The following OPRK1 variants were observed in gnomAD, a reference collection of about 807,000 sequenced individuals.
The protein encoded by OPRK1 is opioid receptor kappa 1, also known as kappa-type opioid receptor.
A neutral mutation model predicts 24.5 loss-of-function variants in OPRK1; 15 were observed. The ratio of observed to expected loss-of-function variants is 0.61; its 90% CI spans 0.41 to 0.94. The LOEUF (loss-of-function observed/expected upper bound fraction) is 0.94. Among genes scored for constraint, OPRK1 ranks in the 40% least tolerant of loss-of-function variants. The pLI is 0.00. For synonymous variants in OPRK1, 205 were observed against 198.0 expected, an observed-to-expected ratio of 1.04 and a Z score of -0.30; for missense variants, 479 against 507.3, an observed-to-expected ratio of 0.94 and a Z score of 0.54.
intron 2 of OPRK1, chr8:53,242,646 A>G (rs1337422201): frequency 8.3e-6 from 2 of 240,632 alleles, no homozygotes; most frequent in Admixed American, 1.0e-4. Context: ...AGCTGGGACT[A>G]CAGGCGCCCG....
intron 2 of OPRK1, 106 bp downstream of exon 2, chr8:53,250,675 G>A (rs1807355215): frequency 5.9e-6 from 7 of 1,187,330 alleles, no homozygotes; most frequent in Admixed American, 2.5e-5. Context: ...ACGGAACAGA[G>A]TCCCCACCAC....
chr8:53,250,906 CGA>C lies in OPRK1; in HGVS notation c.130_131del (p.Ser44GlyfsTer56). The C allele has an allele frequency of 6.2e-7, 1 of 1,611,174 alleles. No individual in the cohort carries two copies. Among genetic ancestry groups the C allele is most frequent in the East Asian group, 2.2e-5 (1 of 44,758 alleles). On this transcript the variant is annotated frameshift_variant, in exon 2 of 4. Transcript: ENST00000265572. LOFTEE classifies it high-confidence loss of function. The part of the protein sequence containing the change: ...AEPDSNGSAG[S>X]EDAQLEPAHI... ...GCGCGGGCTCCAGCTGCGCGTCCTC[CGA>C]GCCGGCGCTGCCGTTGCTGTCGGGC...
intron 2 of OPRK1, among the ~76,000 whole-genome samples, chr8:53,236,854 C>A (rs910124073): frequency 6.6e-6 from 1 of 152,186 alleles, no homozygotes; most frequent in Non-Finnish European, 1.5e-5. Context: ...GAATCTGACT[C>A]CTGCTCTTGT....
chr8:53,230,387 T>C (rs1476240937), intron 3 of OPRK1, among the ~76,000 whole-genome samples: 1 of 152,168 alleles, frequency 6.6e-6, no homozygotes. Flanking sequence ...ATGACTCAAG[T>C]ATTGTCATTT....
At position 53,250,966 on chromosome 8, in the gene OPRK1, G is replaced by T. The variant is rs754715860; in HGVS notation, c.72C>A (p.Pro24=). The change falls in exon 2 of 4, where the codon CCC becomes CCA. Residue 24 remains proline (P), a synonymous_variant. Transcript: ENST00000265572. ...PTCAPSACLP[P]NSSAWFPGWA... is the part of the protein sequence containing the mutation. ...AGCCGGGAAACCAGGCGCTGCTGTT[G>T]GGGGGCAGGCAGGCGCTCGGGGCGC... 1.3e-5 allele frequency: 21 copies of T among 1,606,844 alleles called. 1 individual carries two copies. Among genetic ancestry groups the T allele is most frequent in the Non-Finnish European group, 1.8e-5 (21 of 1,176,728 alleles).
chr8:53,244,055 C>T (rs1807175954), intron 2 of OPRK1, among the ~76,000 whole-genome samples: 2 of 152,160 alleles, frequency 1.3e-5, no homozygotes, highest in African/African-American at 4.8e-5. Context: ...GAAGAAGAAA[C>T]TTGGGAGAGA....
intron 2 of OPRK1, among the ~76,000 whole-genome samples, chr8:53,247,614 G>C (rs73589391): frequency 0.094 from 14,310 of 152,034 alleles, 747 homozygotes; most frequent in South Asian, 0.18. Context: ...AAAGGGGCGT[G>C]AGTGTCATGG....
intron 2 of OPRK1, 114 bp downstream of exon 2, chr8:53,250,667 G>C (rs914102789): frequency 3.1e-5 from 35 of 1,114,500 alleles, no homozygotes; most frequent in Non-Finnish European, 4.1e-5. Flanking sequence ...GATCCTTCAC[G>C]GAACAGAGTC....
At chr8:53,244,469 G>A (rs957989405) in intron 2 of OPRK1, among the ~76,000 whole-genome samples, 3 of 152,178 alleles carry the variant, frequency 2.0e-5, no homozygotes, top group Admixed American at 6.5e-5. Flanking sequence ...CCCCCTTTGG[G>A]GAGGTTTCAA....
chr8:53,231,762 T>A (rs1280184483), intron 3 of OPRK1, among the ~76,000 whole-genome samples: 1 of 152,168 alleles, frequency 6.6e-6, no homozygotes, highest in Non-Finnish European at 1.5e-5. Context: ...ACATACCACA[T>A]GAATAACAAA....
intron 2 of OPRK1, among the ~76,000 whole-genome samples, chr8:53,250,183 A>C (rs923310090): frequency 6.6e-6 from 1 of 152,064 alleles, no homozygotes; most frequent in African/African-American, 2.4e-5. Flanking sequence ...TTAGAGGATA[A>C]ATATTATTTA....
rs202039295 is a variant in OPRK1, at chr8:53,235,117, A to G, written c.258-6T>C. ...CTGTCTTCATCTTTGTGTATCTAAA[A>G]GAAAAGAAACAATAGCATTTCCCTC... On this transcript the variant is annotated splice_polypyrimidine_tract_variant and splice_region_variant and intron_variant, in intron 2 of 3. Coordinates refer to ENST00000265572, the MANE Select transcript of OPRK1 (RefSeq NM_000912.5). The G allele has an allele frequency of 3.1e-6, 5 of 1,607,816 alleles. No individual in the cohort carries two copies. The highest frequency in any genetic ancestry group is 1.3e-5 in the African/African-American group (1 of 74,784).
intron 2 of OPRK1, among the ~76,000 whole-genome samples, chr8:53,245,055 A>G (rs1807198721): frequency 6.6e-6 from 1 of 152,254 alleles, no homozygotes; most frequent in Admixed American, 6.5e-5. Context: ...TTATGTAAAT[A>G]GTTGTTATAC....
chr8:53,250,701 C>G (rs1351283871), intron 2 of OPRK1, 80 bp downstream of exon 2: 3 of 1,438,948 alleles, frequency 2.1e-6, no homozygotes, highest in Non-Finnish European at 2.8e-6. Context: ...TGGCTGCCCC[C>G]ACTGCTGCTC....
rs148980561 is a variant in OPRK1, at chr8:53,235,013, T to A, written c.356A>T (p.Tyr119Phe). 4.3e-6 allele frequency: 7 copies of A among 1,614,094 alleles called. No individual in the cohort carries two copies. The African/African-American group carries it at 9.3e-5, about 22-fold the overall frequency. ...TTTMPFQSTV[Y>F]LMNSWPFGDV... ...CCCAAAAGGCCAGGAATTCATCAAG[T>A]AGACCGTACTCTGAAAGGGCATGGT... Residue 119 changes from tyrosine (Y) to phenylalanine (F), a missense_variant, in exon 3 of 4, where the codon TAC becomes TTC. By Grantham distance (22) the Tyr-to-Phe change is conservative (BLOSUM62 3). Transcript: ENST00000265572.
chr8:53,236,091 A>G (rs753870132), intron 2 of OPRK1, among the ~76,000 whole-genome samples: 5 of 152,174 alleles, frequency 3.3e-5, no homozygotes, highest in Admixed American at 1.3e-4. Flanking sequence ...AGATTTGAAG[A>G]TCTTGTCACA....
chr8:53,231,817 C>T (rs1806860359), intron 3 of OPRK1, among the ~76,000 whole-genome samples: 1 of 152,204 alleles, frequency 6.6e-6, no homozygotes, highest in African/African-American at 2.4e-5. Context: ...ATGGAAAAGT[C>T]ACCGGCTAAG....
In OPRK1 at chr8:53,250,543, C is replaced by T. The variant is rs1330771866; in HGVS notation, c.257+238G>A. ...TGGGGTCGGGGGGTTACTCTGAAAT[C>T]TTCCAGACGCCCCTGGCCGCTCGGA... On this transcript the variant is annotated intron_variant, in intron 2 of 3. Transcript: ENST00000265572. Among the ~76,000 whole-genome samples, 11 of 152,296 alleles carry T rather than the reference C, an allele frequency of 7.2e-5. No individual in the cohort carries two copies. The South Asian group carries it at 1.2e-3, about 17-fold the overall frequency.
chr8:53,245,702 G>A (rs575297015), intron 2 of OPRK1, among the ~76,000 whole-genome samples: 1 of 152,226 alleles, frequency 6.6e-6, no homozygotes, highest in African/African-American at 2.4e-5. Context: ...CCATTGAAAG[G>A]GAGTGTGATG....
Sources: allele counts gnomAD v4.1 joint callset (sites outside exome capture counted in the v4.1 genomes callset), GRCh38; gene constraint gnomAD v4.1.1; transcripts MANE v1.5; gene names NCBI Gene and HGNC (gene_info 2026-07-23, HGNC 2026-07-21).